The following WDPCP variants were observed in gnomAD, a reference collection of about 807,000 sequenced individuals.
WDPCP encodes WD repeat containing planar cell polarity effector, also known as WD repeat-containing and planar cell polarity effector protein fritz homolog.
Under a neutral mutation model 93.1 loss-of-function variants are expected in WDPCP, and 71 were observed. That is an observed-to-expected ratio of 0.76 (90% confidence interval 0.63 to 0.93). The LOEUF (loss-of-function observed/expected upper bound fraction) is 0.93, where lower values mean the gene tolerates loss of function less well. Among genes scored for constraint, WDPCP ranks in the 40% least tolerant of loss-of-function variants. The pLI is 0.00. For missense variants in WDPCP, 844 were observed against 887.4 expected, an observed-to-expected ratio of 0.95 and a Z score of 0.62; for synonymous variants, 315 against 315.0, an observed-to-expected ratio of 1.00 and a Z score of 0.00.
At chr2:63,166,010 T>C (rs1359794827) in intron 15 of WDPCP, among the ~76,000 whole-genome samples, 1 of 151,922 alleles carries the variant, frequency 6.6e-6, no homozygotes, top group African/African-American at 2.4e-5. Context: ...TTTTTGTAAA[T>C]AAAGTTTTTT....
At chr2:63,606,065 A>C (rs1709523041) in intron 3 of WDPCP, 1 of 1,542,960 alleles carries the variant, frequency 6.5e-7, no homozygotes, top group East Asian at 2.2e-5. Context: ...TCTTTGAGGA[A>C]GTAGTTATAT....
chr2:63,605,668 G>T, intron 3 of WDPCP: 1 of 586,132 alleles, frequency 1.7e-6, no homozygotes. Flanking sequence ...CATAGTAGGG[G>T]TGAATTTTTT....
At chr2:63,776,056 T>A (rs1670297430) in intron 2 of WDPCP, among the ~76,000 whole-genome samples, 1 of 150,626 alleles carries the variant, frequency 6.6e-6, no homozygotes, top group Non-Finnish European at 1.5e-5. Flanking sequence ...AGAGTGAGAC[T>A]CTGCCTATAA....
intron 14 of WDPCP, among the ~76,000 whole-genome samples, chr2:63,230,529 T>C (rs1405585656): frequency 6.6e-6 from 1 of 152,206 alleles, no homozygotes; most frequent in Non-Finnish European, 1.5e-5. Flanking sequence ...TCCACAATGG[T>C]TGAACTAGTT....
intron 9 of WDPCP, among the ~76,000 whole-genome samples, chr2:63,426,457 A>G (rs1383074904): frequency 6.6e-6 from 1 of 152,236 alleles, no homozygotes; most frequent in Non-Finnish European, 1.5e-5. Context: ...ACTAAGCTTC[A>G]TAAGTGAAGA....
intron 3 of WDPCP, among the ~76,000 whole-genome samples, chr2:63,602,096 G>A (rs1040915450): frequency 6.6e-6 from 1 of 152,190 alleles, no homozygotes; most frequent in African/African-American, 2.4e-5. Context: ...CCTAATACTT[G>A]CAAGACTTGC....
At position 63,724,705 on chromosome 2, in the gene WDPCP, C is replaced by A. The variant is rs117755576; in HGVS notation, n.309-73867G>T. The stretch of plus-strand genomic sequence containing the variant: ...GAGGAAACCCAAATGGAAAAGTGGG[C>A]AACAAAGTTTAAAACTCTACTAGCA... On this transcript the variant is annotated intron_variant and non_coding_transcript_variant, in intron 2 of 4. Coordinates refer to the WDPCP transcript ENST00000467687. 2.1e-3 allele frequency among the ~76,000 whole-genome samples: 322 copies of A among 152,272 alleles called. 9 individuals are homozygous for A. In the East Asian group the frequency reaches 0.057, roughly 27 times the overall value.
At chr2:63,357,336 T>G (rs1241901553) in intron 12 of WDPCP, among the ~76,000 whole-genome samples, 1 of 152,052 alleles carries the variant, frequency 6.6e-6, no homozygotes, top group African/African-American at 2.4e-5. Context: ...ACAGACAACT[T>G]ACACAATAGG....
At chr2:63,486,693 T>C (rs370838269) in intron 3 of WDPCP, 107 bp from the exon 4 acceptor site, 1 of 933,228 alleles carries the variant, frequency 1.1e-6, no homozygotes. Flanking sequence ...TTATTAACAT[T>C]ACATGCATTA....
intron 6 of WDPCP, 21 bp downstream of exon 6, chr2:63,484,583 A>T: frequency 6.2e-7 from 1 of 1,612,420 alleles, no homozygotes; most frequent in Non-Finnish European, 8.5e-7. Context: ...AACACTGCAA[A>T]GGCTTGTCAA....
intron 6 of WDPCP, among the ~76,000 whole-genome samples, chr2:63,448,470 C>CT (rs1288162807): frequency 7.1e-6 from 1 of 140,902 alleles, no homozygotes; most frequent in Non-Finnish European, 1.5e-5. Context: ...ACACACACAC[C>CT]CTTAATATGC....
At chr2:63,571,841 C>T (rs1707528356) in intron 1 of WDPCP, among the ~76,000 whole-genome samples, 1 of 152,116 alleles carries the variant, frequency 6.6e-6, no homozygotes. Flanking sequence ...ATTCAGCAAC[C>T]TAATTATTTC....
chr2:63,442,557 T>G (rs940276996), intron 6 of WDPCP: 2 of 152,174 alleles, frequency 1.3e-5, no homozygotes, highest in African/African-American at 4.8e-5. Flanking sequence ...TGAGCACATT[T>G]GTCTTTTTAA....
chr2:63,594,233 A>G (rs1240323986), intron 3 of WDPCP: 1 of 568,758 alleles, frequency 1.8e-6, no homozygotes, highest in Non-Finnish European at 3.4e-6. Flanking sequence ...TTTTAGTGGT[A>G]AAATATCCCA....
chr2:63,122,068 C>A lies in WDPCP; in HGVS notation c.2191-12G>T. On this transcript the variant is annotated splice_polypyrimidine_tract_variant and intron_variant, in intron 17 of 17. Coordinates refer to ENST00000272321, the MANE Select transcript of WDPCP (RefSeq NM_015910.7). ...CCATCTCTGATTTCCTGCAAATAAA[C>A]AAATAAAAATAATGTTTAAGCAGAG... 4 of 1,587,388 alleles carry A rather than the reference C, an allele frequency of 2.5e-6. No individual in the cohort carries two copies. The highest frequency in any genetic ancestry group is 3.5e-6 in the Non-Finnish European group (4 of 1,156,422).
At chr2:63,330,736 C>T (rs1687916024) in intron 12 of WDPCP, among the ~76,000 whole-genome samples, 1 of 152,084 alleles carries the variant, frequency 6.6e-6, no homozygotes, top group Admixed American at 6.6e-5. Context: ...AGTCTTTAAT[C>T]CATTTTAAGT....
At chr2:63,729,633 C>CA (rs904678896) in intron 2 of WDPCP, among the ~76,000 whole-genome samples, 15 of 151,944 alleles carry the variant, frequency 9.9e-5, no homozygotes, top group African/African-American at 2.4e-4. Flanking sequence ...CAAAACAAAA[C>CA]AAAAAAACCC....
chr2:63,800,661 T>C (rs558870737), intron 2 of WDPCP, among the ~76,000 whole-genome samples: 2 of 152,346 alleles, frequency 1.3e-5, no homozygotes, highest in Non-Finnish European at 2.9e-5. Flanking sequence ...ATCTAAAAAA[T>C]AAATGCTCAA....
At chr2:63,223,871 G>A (rs143056107) in intron 14 of WDPCP, among the ~76,000 whole-genome samples, 2 of 151,924 alleles carry the variant, frequency 1.3e-5, no homozygotes, top group Non-Finnish European at 2.9e-5. Flanking sequence ...GTGTGTTTCT[G>A]GCTTATTTGC....
Sources: allele counts gnomAD v4.1 joint callset (sites outside exome capture counted in the v4.1 genomes callset), GRCh38; gene constraint gnomAD v4.1.1; transcripts MANE v1.5; gene names NCBI Gene and HGNC (gene_info 2026-07-23, HGNC 2026-07-21).